The following CAPRIN2 variants were observed in gnomAD, a reference collection of about 807,000 sequenced individuals.
CAPRIN2 encodes caprin family member 2, also known as caprin-2.
In CAPRIN2, 66 loss-of-function variants were observed where a neutral mutation model predicts 130.4. The observed-to-expected ratio is 0.51, with a 90% CI of 0.42 to 0.62. The LOEUF (loss-of-function observed/expected upper bound fraction) is 0.62, where lower values mean the gene tolerates loss of function less well. CAPRIN2 is among the 20% of genes least tolerant of loss of function. The probability of loss-of-function intolerance (pLI) is 0.00; values close to 1 mark genes in which losing one functional copy is unlikely to be tolerated. For synonymous variants in CAPRIN2, 471 were observed against 444.1 expected (o/e 1.06, Z -0.76); for missense variants, 1,185 against 1,246.6 (o/e 0.95, Z 0.74).
chr12:30,733,509 A>G (rs1179493527), intron 5 of CAPRIN2, 120 bp downstream of exon 6: 2 of 692,040 alleles, frequency 2.9e-6, no homozygotes, highest in Admixed American at 4.4e-5. Context: ...CAGTGAATAT[A>G]GTATTGTCAG....
At chr12:30,728,050 T>C (rs2137669730) in intron 8 of CAPRIN2, among the ~76,000 whole-genome samples, 1 of 152,338 alleles carries the variant, frequency 6.6e-6, no homozygotes, top group African/African-American at 2.4e-5. Flanking sequence ...TCACATTATG[T>C]CATTATGGTC....
At chr12:30,746,243 C>T (rs924067018) in intron 2 of CAPRIN2, among the ~76,000 whole-genome samples, 4 of 152,076 alleles carry the variant, frequency 2.6e-5, no homozygotes, top group Admixed American at 1.3e-4. Flanking sequence ...TTCAACAAAA[C>T]CCATAGAGCT....
chr12:30,732,448 T>C (rs1293153049), intron 5 of CAPRIN2, among the ~76,000 whole-genome samples: 1 of 152,010 alleles, frequency 6.6e-6, no homozygotes, highest in Admixed American at 6.6e-5. Flanking sequence ...CCTCCTATCT[T>C]AACTATACAG....
At chr12:30,741,155 A>C (rs750046529) in intron 2 of CAPRIN2, 49 bp from the exon 4 acceptor site, 7 of 1,064,454 alleles carry the variant, frequency 6.6e-6, no homozygotes, top group African/African-American at 3.2e-5. Flanking sequence ...TTTAAGTATA[A>C]ATATGTGAAA....
At chr12:30,740,292 A>T (rs1430657192) in intron 3 of CAPRIN2, among the ~76,000 whole-genome samples, 2 of 152,008 alleles carry the variant, frequency 1.3e-5, no homozygotes, top group African/African-American at 4.8e-5. Context: ...AAAAATATAA[A>T]TTTTTTTAAT....
At chr12:30,737,160 A>G (rs2065214724) in intron 3 of CAPRIN2, among the ~76,000 whole-genome samples, 1 of 150,004 alleles carries the variant, frequency 6.7e-6, no homozygotes, top group African/African-American at 2.4e-5. Flanking sequence ...ACATGCCACC[A>G]TGCCTGGCTA....
In CAPRIN2 at chr12:30,740,121, T is replaced by C. The variant is rs561922328; in HGVS notation, c.570+899A>G. Among the ~76,000 whole-genome samples, 38 of 152,054 alleles carry C rather than the reference T, an allele frequency of 2.5e-4. No homozygotes were observed. In the East Asian group the frequency reaches 5.8e-3, roughly 23 times the overall value. ...AATTTTAGTTCACTATAAAGAAAAA[T>C]AGGCCAGGGCGACTGCTCACACCTG... On this transcript the variant is annotated intron_variant, in intron 3 of 16. Coordinates refer to ENST00000298892, the Ensembl canonical transcript of CAPRIN2.
chr12:30,720,466 T>C, intron 12 of CAPRIN2: 1 of 167,734 alleles, frequency 6.0e-6, no homozygotes, highest in Non-Finnish European at 1.3e-5. Flanking sequence ...AAAATAAAGT[T>C]ATTGAGCTTT....
At chr12:30,718,582 A>C (rs1268853549) in intron 12 of CAPRIN2, among the ~76,000 whole-genome samples, 1 of 152,260 alleles carries the variant, frequency 6.6e-6, no homozygotes, top group Non-Finnish European at 1.5e-5. Context: ...CAATTTGTAG[A>C]AAAATACGTA....
chr12:30,729,290 A>G, exon 8 of CAPRIN2: 1 of 1,592,000 alleles, frequency 6.3e-7, no homozygotes, highest in Non-Finnish European at 8.5e-7. Flanking sequence ...GTTTGTTTGA[A>G]TAATCTACTT....
At chr12:30,733,799 C>A (rs1363715177) in intron 4 of CAPRIN2, 88 bp from the exon 6 acceptor site, 4 of 828,054 alleles carry the variant, frequency 4.8e-6, no homozygotes, top group Non-Finnish European at 8.2e-6. Flanking sequence ...AACCCATTAA[C>A]AGACAAGACA....
chr12:30,740,380 T>A (rs556247031), intron 3 of CAPRIN2, among the ~76,000 whole-genome samples: 2 of 152,294 alleles, frequency 1.3e-5, no homozygotes, highest in African/African-American at 4.8e-5. Context: ...TTTAAAAATT[T>A]CCACAATTGT....
At chr12:30,714,863 A>G in intron 14 of CAPRIN2, 96 bp downstream of exon 16, 1 of 957,206 alleles carries the variant, frequency 1.0e-6, no homozygotes, top group Non-Finnish European at 1.6e-6. Context: ...TACGTTGCAA[A>G]TGACAAAAGG....
At chr12:30,733,457 A>G (rs1319922631) in intron 5 of CAPRIN2, among the ~76,000 whole-genome samples, 172 bp downstream of exon 6, 1 of 152,154 alleles carries the variant, frequency 6.6e-6, no homozygotes, top group Non-Finnish European at 1.5e-5. Context: ...AGGGTTATAC[A>G]ATAGCTGCTT....
intron 8 of CAPRIN2, chr12:30,728,303 T>C (rs751801345): frequency 1.8e-4 from 36 of 195,418 alleles, no homozygotes; most frequent in Admixed American, 9.5e-4. Context: ...GCCTGTAATC[T>C]CAGCACTTTG....
At chr12:30,740,978 G>T (rs1279285750) in intron 3 of CAPRIN2, 42 bp downstream of exon 4, 3 of 1,184,112 alleles carry the variant, frequency 2.5e-6, no homozygotes, top group Non-Finnish European at 3.8e-6. Flanking sequence ...CAAGATCAGT[G>T]GTTAAAACTG....
At chr12:30,717,803 CCTT>C (rs1205276396) in intron 12 of CAPRIN2, among the ~76,000 whole-genome samples, 1 of 152,112 alleles carries the variant, frequency 6.6e-6, no homozygotes, top group African/African-American at 2.4e-5. Flanking sequence ...AACGATCTGT[CCTT>C]CTATGACTCT....
chr12:30,729,319 T>TA lies in CAPRIN2; in HGVS notation c.1110dup (p.Asn371Ter). The TA allele has an allele frequency of 6.5e-7, 1 of 1,548,696 alleles. No homozygotes were observed. Among genetic ancestry groups the TA allele is most frequent in the South Asian group, 1.3e-5 (1 of 78,440 alleles). On this transcript the variant is annotated frameshift_variant, in exon 8 of 17. Coordinates refer to ENST00000298892, the Ensembl canonical transcript of CAPRIN2. LOFTEE classifies it high-confidence loss of function. ...TCTACTTCTGTCATATAGCGTCTGT[T>TA]AAGAAACTAGATAGAGAAACAATGC...
In CAPRIN2 at chr12:30,720,920, A is replaced by G. The variant is rs755832558; in HGVS notation, c.2044-5T>C. 2.5e-6 allele frequency: 4 copies of G among 1,594,314 alleles called. No individual in the cohort carries two copies. Among genetic ancestry groups the G allele is most frequent in the Non-Finnish European group, 3.4e-6 (4 of 1,162,146 alleles). On this transcript the variant is annotated splice_polypyrimidine_tract_variant and splice_region_variant and intron_variant, in intron 11 of 16. Coordinates refer to ENST00000298892, the Ensembl canonical transcript of CAPRIN2. ...AGTAACTGGAGAAGAAGTAGCCTAG[A>G]CACAGGAAAATACAAAATATTGTAA...
Sources: gnomAD v4.1 joint callset for allele counts (sites outside exome capture counted in the v4.1 genomes callset) on GRCh38, gnomAD v4.1.1 for gene constraint, MANE v1.5 for transcripts, NCBI Gene and HGNC (gene_info 2026-07-23, HGNC 2026-07-21) for gene names.